PRORP: variants seen among roughly 807,000 people sequenced by gnomAD.
PRORP encodes mitochondrial ribonuclease P catalytic subunit.
Under a neutral mutation model 59.4 loss-of-function variants are expected in PRORP, and 51 were observed. That is an observed-to-expected ratio of 0.86 (90% confidence interval 0.69 to 1.08). PRORP has a LOEUF of 1.08. PRORP is among the 50% of genes least tolerant of loss of function. PRORP has a pLI of 0.00. For missense variants in PRORP, 646 were observed against 690.3 expected (o/e 0.94, Z 0.72); for synonymous variants, 231 against 245.6 (o/e 0.94, Z 0.55).
In PRORP at chr14:35,159,205, C is replaced by T. The variant is rs142698553; in HGVS notation, c.1168-21465C>T. 1.6e-3 allele frequency: 265 copies of T among 168,906 alleles called. 4 individuals carry two copies. The highest frequency in any genetic ancestry group is 6.1e-3 in the African/African-American group (254 of 41,658). The allele number at this position is 168,906 out of a possible 1,614,324, so 10.5% of individuals were successfully genotyped here. ...CTGCAAGTAATTCCTCCAGTTTGGTCGCAGCCTACTTTTCAGGCCTCATTG... is the reference window on the plus strand; with the variant it reads ...CTGCAAGTAATTCCTCCAGTTTGGTTGCAGCCTACTTTTCAGGCCTCATTG... On this transcript the variant is annotated intron_variant, in intron 4 of 7. Coordinates refer to ENST00000534898, the MANE Select transcript of PRORP (RefSeq NM_014672.4).
At chr14:35,153,197 G>A (rs901121054) in intron 4 of PRORP, among the ~76,000 whole-genome samples, 8 of 152,348 alleles carry the variant, frequency 5.3e-5, no homozygotes, top group Non-Finnish European at 1.2e-4. Context: ...AGACCAGCCC[G>A]GCCAACACAG....
At chr14:35,228,015 C>T (rs1167792320) in intron 5 of PRORP, among the ~76,000 whole-genome samples, 5 of 152,018 alleles carry the variant, frequency 3.3e-5, no homozygotes, top group South Asian at 2.1e-4. Flanking sequence ...TGGTGGCACA[C>T]GCCTGTAGTC....
At chr14:35,179,750 C>T (rs537492768) in intron 4 of PRORP, among the ~76,000 whole-genome samples, 18 of 152,010 alleles carry the variant, frequency 1.2e-4, no homozygotes, top group African/African-American at 3.1e-4. Flanking sequence ...TCAAAGTCAT[C>T]GCAAAGCTTT....
At chr14:35,134,221 C>T (rs1457851075) in intron 4 of PRORP, among the ~76,000 whole-genome samples, 4 of 152,122 alleles carry the variant, frequency 2.6e-5, no homozygotes, top group Non-Finnish European at 5.9e-5. Context: ...TCTTCCCTCC[C>T]GTTTCCAAAA....
At chr14:35,242,834 C>T (rs564182783) in intron 5 of PRORP, among the ~76,000 whole-genome samples, 6 of 152,278 alleles carry the variant, frequency 3.9e-5, no homozygotes, top group Admixed American at 1.3e-4. Flanking sequence ...TTGCAGAGTG[C>T]TCTTACCAGC....
intron 5 of PRORP, among the ~76,000 whole-genome samples, chr14:35,257,014 A>G (rs2050779305): frequency 6.6e-6 from 1 of 151,966 alleles, no homozygotes; most frequent in Non-Finnish European, 1.5e-5. Context: ...CTGGGACTAC[A>G]GGCGCTTGCC....
chr14:35,127,529 C>A lies in PRORP; in HGVS notation c.1085C>A (p.Pro362Gln), dbSNP rs1261972807. The A allele has an allele frequency of 1.9e-6, 3 of 1,613,462 alleles. No homozygotes were observed. The South Asian group carries it at 3.3e-5, about 18-fold the overall frequency. The change falls in exon 4 of 8, where the codon CCA becomes CAA. Residue 362 changes from proline (P) to glutamine (Q), a missense_variant. By Grantham distance (76) the Pro-to-Gln change is moderately conservative. Transcript: ENST00000534898. ...ACCATAGAGTCTATTCAGCTGAGTCCAGAAGAATATGAATGTCTTAAGGGA... is the reference window on the plus strand; with the variant it reads ...ACCATAGAGTCTATTCAGCTGAGTCAAGAAGAATATGAATGTCTTAAGGGA... ...GKTIESIQLS[P>Q]EEYECLKGKI...
At chr14:35,152,321 T>C (rs2047778025) in intron 4 of PRORP, among the ~76,000 whole-genome samples, 1 of 152,202 alleles carries the variant, frequency 6.6e-6, no homozygotes, top group Admixed American at 6.5e-5. Context: ...AAGTCTCCCA[T>C]GTCTGCTTCT....
chr14:35,189,948 A>C (rs1166935538), intron 5 of PRORP, among the ~76,000 whole-genome samples: 1 of 151,678 alleles, frequency 6.6e-6, no homozygotes, highest in East Asian at 1.9e-4. Context: ...GTCTCTACTA[A>C]AAATACAAAA....
chr14:35,216,439 G>T (rs1420396962), intron 5 of PRORP, among the ~76,000 whole-genome samples: 1 of 151,756 alleles, frequency 6.6e-6, no homozygotes. Flanking sequence ...CCCCCAAGTA[G>T]CTGGGACCAG....
At chr14:35,188,445 T>A (rs2048798555) in intron 5 of PRORP, among the ~76,000 whole-genome samples, 1 of 151,782 alleles carries the variant, frequency 6.6e-6, no homozygotes, top group Non-Finnish European at 1.5e-5. Context: ...CGCCTCGGCC[T>A]CCCAAAGTGC....
At chr14:35,259,528 C>T (rs2050844830) in intron 5 of PRORP, among the ~76,000 whole-genome samples, 1 of 152,124 alleles carries the variant, frequency 6.6e-6, no homozygotes, top group African/African-American at 2.4e-5. Context: ...TACTTTTCCT[C>T]CCTTCCTATG....
intron 5 of PRORP, among the ~76,000 whole-genome samples, chr14:35,212,376 T>A (rs1042661403): frequency 6.6e-6 from 1 of 152,218 alleles, no homozygotes; most frequent in Admixed American, 6.5e-5. Flanking sequence ...TTTGCTTAGA[T>A]CCATCAGAGG....
intron 2 of PRORP, among the ~76,000 whole-genome samples, chr14:35,124,925 T>A (rs1322795185): frequency 6.7e-6 from 1 of 150,370 alleles, no homozygotes. Flanking sequence ...TAGAGTGCAA[T>A]GGCATGATCT....
At chr14:35,182,725 T>C (rs1386443825) in intron 5 of PRORP, among the ~76,000 whole-genome samples, 1 of 152,226 alleles carries the variant, frequency 6.6e-6, no homozygotes, top group African/African-American at 2.4e-5. Context: ...GATTAAAATA[T>C]TTATCTTCCA....
intron 4 of PRORP, among the ~76,000 whole-genome samples, chr14:35,130,573 C>A (rs1283869170): frequency 6.6e-6 from 1 of 151,464 alleles, no homozygotes; most frequent in Non-Finnish European, 1.5e-5. Flanking sequence ...CCTCCGCCCC[C>A]ACTGGGTTCA....
chr14:35,153,025 GA>G (rs1277413533), intron 4 of PRORP, among the ~76,000 whole-genome samples: 5 of 152,264 alleles, frequency 3.3e-5, no homozygotes, highest in African/African-American at 1.2e-4. Flanking sequence ...GGCACTTTGG[GA>G]GGCCAAGGCA....
At chr14:35,122,485 G>T (rs2046945159), upstream of PRORP, 1 of 155,776 alleles carries the variant, frequency 6.4e-6, no homozygotes. Flanking sequence ...CGGGCCAGGC[G>T]GAACGCCTAA....
chr14:35,264,682 A>G (rs2050995518), intron 5 of PRORP, among the ~76,000 whole-genome samples: 2 of 151,992 alleles, frequency 1.3e-5, no homozygotes, highest in Admixed American at 1.3e-4. Flanking sequence ...AAACAGTAAT[A>G]TTTTTAAAAT....
Sources: allele counts gnomAD v4.1 joint callset (sites outside exome capture counted in the v4.1 genomes callset), GRCh38; gene constraint gnomAD v4.1.1; transcripts MANE v1.5; gene names NCBI Gene and HGNC (gene_info 2026-07-23, HGNC 2026-07-21).